ZNF385D: variants seen among roughly 807,000 people sequenced by gnomAD.
The protein encoded by ZNF385D is zinc finger protein 659.
In ZNF385D, 15 loss-of-function variants were observed where a neutral mutation model predicts 35.8. The ratio of observed to expected loss-of-function variants is 0.42; its 90% confidence interval spans 0.28 to 0.64. The LOEUF is 0.64. Among genes scored for constraint, ZNF385D ranks in the 30% least tolerant of loss-of-function variants. The pLI, the probability that ZNF385D is intolerant of heterozygous loss-of-function variation, is 0.23. For missense variants in ZNF385D, 474 were observed against 494.6 expected, an observed-to-expected ratio of 0.96 and a Z score of 0.39; for synonymous variants, 212 against 186.8, an observed-to-expected ratio of 1.13 and a Z score of -1.10.
chr3:21,670,668 C>A (rs1316479167), intron 1 of ZNF385D, among the ~76,000 whole-genome samples: 1 of 19,548 alleles, frequency 5.1e-5, no homozygotes, highest in Non-Finnish European at 1.5e-4. Context: ...CCCCCCCCCC[C>A]CCCCCAATGA....
intron 5 of ZNF385D, among the ~76,000 whole-genome samples, chr3:21,430,472 A>C (rs912794433): frequency 3.9e-5 from 6 of 152,134 alleles, no homozygotes; most frequent in Non-Finnish European, 7.4e-5. Flanking sequence ...CCCTGTGACC[A>C]AAGGAAACCC....
intron 3 of ZNF385D, among the ~76,000 whole-genome samples, chr3:22,131,644 A>C (rs1703798550): frequency 6.6e-6 from 1 of 152,138 alleles, no homozygotes; most frequent in Non-Finnish European, 1.5e-5. Flanking sequence ...CTGCAAAGAG[A>C]ACAGATGTTT....
chr3:22,236,230 C>T (rs2728997), intron 2 of ZNF385D, among the ~76,000 whole-genome samples: 132,960 of 152,234 alleles, frequency 0.87, 58,393 homozygotes, highest in East Asian at 0.97. Context: ...TTTATGTATA[C>T]GTGTATTTAC....
chr3:21,945,600 G>T (rs1701742938), intron 3 of ZNF385D, among the ~76,000 whole-genome samples: 2 of 152,044 alleles, frequency 1.3e-5, no homozygotes, highest in Non-Finnish European at 2.9e-5. Context: ...TTTTTTTCTG[G>T]ACTAAGAATT....
intron 2 of ZNF385D, among the ~76,000 whole-genome samples, chr3:22,262,820 G>A (rs148409296): frequency 3.0e-4 from 45 of 151,838 alleles, no homozygotes; most frequent in African/African-American, 1.1e-3. Flanking sequence ...CTCACGATTT[G>A]CCATTCCATG....
At chr3:21,948,681 TCTCTGTTTTC>T (rs1701911761) in intron 3 of ZNF385D, among the ~76,000 whole-genome samples, 1 of 138,790 alleles carries the variant, frequency 7.2e-6, no homozygotes, top group Admixed American at 8.3e-5. Context: ...ACACTTGCCT[TCTCTGTTTTC>T]CAATTGCATG....
chr3:22,006,622 A>C (rs528963869), intron 3 of ZNF385D, among the ~76,000 whole-genome samples: 1 of 152,162 alleles, frequency 6.6e-6, no homozygotes, highest in East Asian at 1.9e-4. Flanking sequence ...GAAGAGAGTT[A>C]AGTAGGAATA....
chr3:21,888,017 G>A (rs1402868056), intron 3 of ZNF385D, among the ~76,000 whole-genome samples: 1 of 152,070 alleles, frequency 6.6e-6, no homozygotes, highest in Non-Finnish European at 1.5e-5. Flanking sequence ...AAAATAAAGT[G>A]ATTAAATGAT....
chr3:22,186,061 A>G (rs1695610248), intron 2 of ZNF385D, among the ~76,000 whole-genome samples: 1 of 151,948 alleles, frequency 6.6e-6, no homozygotes, highest in African/African-American at 2.4e-5. Context: ...CTGGACAAAC[A>G]CTCACACACT....
chr3:21,637,678 G>C (rs6793079), intron 2 of ZNF385D, among the ~76,000 whole-genome samples: 115,423 of 151,912 alleles, frequency 0.76, 44,090 homozygotes, highest in Admixed American at 0.8. Context: ...TCCACATTTG[G>C]CAAGTAAATT....
At chr3:22,023,212 T>C (rs1697329201) in intron 3 of ZNF385D, among the ~76,000 whole-genome samples, 1 of 152,058 alleles carries the variant, frequency 6.6e-6, no homozygotes, top group African/African-American at 2.4e-5. Context: ...TTGCAAGGGA[T>C]TAAAACAAAA....
chr3:22,065,021 A>T (rs1463580), intron 3 of ZNF385D, among the ~76,000 whole-genome samples: 13,993 of 152,278 alleles, frequency 0.092, 823 homozygotes, highest in Middle Eastern at 0.18. Flanking sequence ...GAACTTTAGA[A>T]ATACAAGTTC....
chr3:22,152,977 G>A (rs991963233), intron 3 of ZNF385D, among the ~76,000 whole-genome samples: 8 of 152,106 alleles, frequency 5.3e-5, no homozygotes, highest in African/African-American at 1.9e-4. Context: ...ACTCTTCCCT[G>A]ATGACACATT....
intron 2 of ZNF385D, among the ~76,000 whole-genome samples, chr3:22,354,382 TTGC>T (rs533911278): frequency 6.0e-4 from 92 of 152,252 alleles, no homozygotes; most frequent in African/African-American, 1.9e-3. Context: ...TTGGCTGCTG[TTGC>T]TGCTATTATG....
rs532935828 is a variant in ZNF385D, at chr3:21,804,304, C to A, written c.326-139276G>T. On this transcript the variant is annotated intron_variant, in intron 3 of 5. Transcript: ENST00000494108. ...TTTCTTATATGATAAAAAGTAAGTG[C>A]CATCTAGAATTGAAAAGGCTAAATA... is the stretch of plus-strand genomic sequence containing the variant. Among the ~76,000 whole-genome samples the A allele has an allele frequency of 9.9e-5, 15 of 152,164 alleles. No homozygotes were observed. The South Asian group carries it at 3.1e-3, about 32-fold the overall frequency.
chr3:22,144,597 A>C (rs1704729873), intron 3 of ZNF385D, among the ~76,000 whole-genome samples: 1 of 146,176 alleles, frequency 6.8e-6, no homozygotes, highest in Non-Finnish European at 1.5e-5. Context: ...AAAAAAAAAA[A>C]AAAGAACGCC....
chr3:21,699,998 A>G (rs929668358), intron 1 of ZNF385D, among the ~76,000 whole-genome samples: 2 of 151,582 alleles, frequency 1.3e-5, no homozygotes, highest in Admixed American at 1.3e-4. Context: ...TGCCCAGCTA[A>G]TTTTTGTATT....
In ZNF385D at chr3:22,370,675, G is replaced by T. The variant is rs765322071; in HGVS notation, c.106+1775C>A. Among the ~76,000 whole-genome samples the T allele has an allele frequency of 6.8e-4, 104 of 152,316 alleles. 1 individual carries two copies. The highest frequency in any genetic ancestry group is 1.4e-3 in the Admixed American group (22 of 15,306). ...AATCTTGGATTACAAAACACTAACTGTGGGACTTTTCCCAATTTAACATCT... is the reference window on the plus strand; with the variant it reads ...AATCTTGGATTACAAAACACTAACTTTGGGACTTTTCCCAATTTAACATCT... On this transcript the variant is annotated intron_variant, in intron 2 of 5. Transcript: ENST00000494108.
chr3:22,342,133 C>T (rs904509022), intron 2 of ZNF385D, among the ~76,000 whole-genome samples: 4 of 151,768 alleles, frequency 2.6e-5, no homozygotes, highest in Admixed American at 1.3e-4. Context: ...AAAAATTAGC[C>T]GGGCATGGTG....
Sources: allele counts gnomAD v4.1 joint callset (sites outside exome capture counted in the v4.1 genomes callset), GRCh38; gene constraint gnomAD v4.1.1; transcripts MANE v1.5; gene names NCBI Gene and HGNC (gene_info 2026-07-23, HGNC 2026-07-21).